Variants in ME2 observed in about 807,000 individuals in gnomAD.
The protein encoded by ME2 is malic enzyme 2, also known as NAD-dependent malic enzyme, mitochondrial.
In ME2, 60 loss-of-function variants were observed where a neutral mutation model predicts 73.7. The observed-to-expected ratio is 0.81, with a 90% CI of 0.66 to 1.01. The LOEUF (loss-of-function observed/expected upper bound fraction) is 1.01. ME2 is among the 50% of genes least tolerant of loss of function. The pLI, the probability that ME2 is intolerant of heterozygous loss-of-function variation, is 0.00. For synonymous variants in ME2, 199 were observed against 236.9 expected (o/e 0.84, Z 1.47); for missense variants, 594 against 705.5 (o/e 0.84, Z 1.79).
rs374814797 is a variant in ME2 at position 50,925,736 on chromosome 18, T to C, written c.1172-20T>C. 3.8e-5 allele frequency: 62 copies of C among 1,611,082 alleles called. No individual in the cohort carries two copies. Among genetic ancestry groups the C allele is most frequent in the Non-Finnish European group, 4.8e-5 (56 of 1,178,208 alleles). ...TATACCTATAATGAAGTTGCTGTTT[T>C]TCCCCCTTACTTATTACAGGAGTTG... On this transcript the variant is annotated intron_variant, in intron 11 of 15. Coordinates refer to ENST00000321341, the MANE Select transcript of ME2 (RefSeq NM_002396.5).
intron 1 of ME2, among the ~76,000 whole-genome samples, chr18:50,886,543 C>A (rs960721545): frequency 6.6e-6 from 1 of 152,098 alleles, no homozygotes; most frequent in Non-Finnish European, 1.5e-5. Context: ...TGCACCTGGC[C>A]AAGTTCTTTT....
In ME2 at chr18:50,931,840, AATTTTTTGT is replaced by A. The variant is rs573695073; in HGVS notation, c.1315-398_1315-390del. On this transcript the variant is annotated intron_variant, in intron 12 of 15. Coordinates refer to ENST00000321341, the MANE Select transcript of ME2 (RefSeq NM_002396.5). ...CAGGCATGGGCCAACACACCCAGCT[AATTTTTTGT>A]ATTTTTTGTATTTTTTGTAGAGATA... 7.0e-3 allele frequency among the ~76,000 whole-genome samples: 1,066 copies of A among 151,726 alleles called. 11 individuals are homozygous for A. Among genetic ancestry groups the A allele is most frequent in the African/African-American group, 0.024 (984 of 41,386 alleles).
At chr18:50,946,927 C>T (rs897047754) in intron 15 of ME2, 90 bp from the exon 16 acceptor site, 25 of 931,372 alleles carry the variant, frequency 2.7e-5, no homozygotes, top group Non-Finnish European at 4.0e-5. Flanking sequence ...TGCCATTCTT[C>T]TAAACTTATT....
chr18:50,892,447 T>C (rs1440622553), intron 1 of ME2, among the ~76,000 whole-genome samples: 2 of 152,202 alleles, frequency 1.3e-5, no homozygotes, highest in Non-Finnish European at 2.9e-5. Context: ...CTGTGGATTG[T>C]TTGAGGGGAA....
chr18:50,950,681 G>A lies in ME2; in HGVS notation c.*3497G>A, dbSNP rs1918206771. 1 of 151,778 alleles carries A rather than the reference G, an allele frequency of 6.6e-6. No individual in the cohort carries two copies. The highest frequency in any genetic ancestry group is 2.4e-5 in the African/African-American group (1 of 41,288). 9.4% of individuals were successfully genotyped at this position (151,778 alleles called of 1,614,324 possible). A position where few individuals can be genotyped will look rare whatever the true frequency, so the allele number is the denominator to read the frequency against. ...TTTTTGTATTTTTAGAAGAGTGGGG[G>A]TTTTGCCACGTTGCCTGGGCTGGTC... On this transcript the variant is annotated 3_prime_UTR_variant, in exon 16 of 16. Transcript: ENST00000321341.
intron 1 of ME2, among the ~76,000 whole-genome samples, chr18:50,879,674 A>G (rs901374133): frequency 6.6e-6 from 1 of 152,200 alleles, no homozygotes; most frequent in African/African-American, 2.4e-5. Flanking sequence ...CCTCCACAAA[A>G]GGACTTCTGT....
At chr18:50,880,527 A>C (rs148735369) in intron 1 of ME2, among the ~76,000 whole-genome samples, 1,756 of 152,318 alleles carry the variant, frequency 0.012, 44 homozygotes, top group African/African-American at 0.038. Context: ...TGGCTCACGC[A>C]TGTAATTCCA....
intron 10 of ME2, among the ~76,000 whole-genome samples, chr18:50,923,692 G>A (rs1409012343): frequency 2.0e-5 from 3 of 152,092 alleles, no homozygotes; most frequent in Admixed American, 2.0e-4. Flanking sequence ...GGTAGAGGCT[G>A]CCACTGCACT....
chr18:50,946,722 G>T (rs921683860), intron 15 of ME2, among the ~76,000 whole-genome samples: 3 of 152,120 alleles, frequency 2.0e-5, no homozygotes, highest in Admixed American at 6.6e-5. Flanking sequence ...TAGTCTCTGT[G>T]CCCCTCTAGA....
chr18:50,900,999 T>A (rs1332272873), intron 2 of ME2, among the ~76,000 whole-genome samples: 3 of 152,194 alleles, frequency 2.0e-5, no homozygotes, highest in African/African-American at 7.2e-5. Context: ...TATTTCAAAT[T>A]TATGTATTAA....
At position 50,924,092 on chromosome 18, in the gene ME2, A is replaced by G. The variant is rs1568170334; in HGVS notation, c.1057-6A>G. On this transcript the variant is annotated splice_polypyrimidine_tract_variant and splice_region_variant and intron_variant, in intron 10 of 15. Coordinates refer to ENST00000321341, the MANE Select transcript of ME2 (RefSeq NM_002396.5). ...AAAAAATACTGTATTTTATCTCAAA[A>G]TTTAGGGACGGAAAGCAAAAATAGA... The G allele has an allele frequency of 6.3e-7, 1 of 1,591,620 alleles. No homozygotes were observed. The highest frequency in any genetic ancestry group is 8.6e-7 in the Non-Finnish European group (1 of 1,163,258).
In ME2 at chr18:50,918,166, A is replaced by T. The variant is rs200327068; in HGVS notation, c.687A>T (p.Gln229His). 4.7e-5 allele frequency: 75 copies of T among 1,611,208 alleles called. No homozygotes were observed. Among genetic ancestry groups the T allele is most frequent in the Non-Finnish European group, 5.5e-5 (65 of 1,178,046 alleles). ...TGTACCAGAAACGAGATCGCACACA[A>T]CAGTATGATGACCTGATTGATGAGT... is the stretch of plus-strand genomic sequence containing the variant. Reference protein sequence around the residue: ...MGLYQKRDRTQQYDDLIDEFM... With the variant: ...MGLYQKRDRTHQYDDLIDEFM... Residue 229 changes from glutamine to histidine, a missense_variant, in exon 7 of 16, where the codon CAA becomes CAT. Transcript: ENST00000321341.
chr18:50,889,522 A>G (rs1423247015), intron 1 of ME2, among the ~76,000 whole-genome samples: 1 of 152,156 alleles, frequency 6.6e-6, no homozygotes, highest in Non-Finnish European at 1.5e-5. Context: ...TTTATAATAA[A>G]GGGGGATTTT....
intron 2 of ME2, among the ~76,000 whole-genome samples, chr18:50,905,264 C>T (rs561620544): frequency 9.2e-5 from 14 of 152,276 alleles, no homozygotes; most frequent in African/African-American, 3.4e-4. Context: ...GGATTAGAGG[C>T]GTGAGCCACC....
chr18:50,924,540 C>T lies in ME2; in HGVS notation c.1171+328C>T, dbSNP rs543084686. Among the ~76,000 whole-genome samples the T allele has an allele frequency of 1.3e-4, 20 of 152,208 alleles. No individual in the cohort carries two copies. The South Asian group carries it at 3.9e-3, about 30-fold the overall frequency. On this transcript the variant is annotated intron_variant, in intron 11 of 15. Coordinates refer to ENST00000321341, the MANE Select transcript of ME2 (RefSeq NM_002396.5). ...GCAGACTCAAAGTTTTCGTGGGCAA[C>T]AAAGCTGAAAACTTTGAGTGTGTTT...
At chr18:50,913,648 T>A (rs1319297663) in intron 4 of ME2, among the ~76,000 whole-genome samples, 1 of 152,156 alleles carries the variant, frequency 6.6e-6, no homozygotes, top group Non-Finnish European at 1.5e-5. Flanking sequence ...CTCCTTTTTT[T>A]AATGAATTTT....
At chr18:50,929,840 T>C (rs1413730329) in intron 12 of ME2, among the ~76,000 whole-genome samples, 1 of 152,208 alleles carries the variant, frequency 6.6e-6, no homozygotes, top group Non-Finnish European at 1.5e-5. Context: ...AAATGCATCA[T>C]GGATCGTTGA....
chr18:50,931,851 T>C (rs1443797699), intron 12 of ME2, among the ~76,000 whole-genome samples: 1 of 151,980 alleles, frequency 6.6e-6, no homozygotes, highest in Admixed American at 6.6e-5. Flanking sequence ...ATTTTTTGTA[T>C]TTTTTGTATT....
intron 2 of ME2, among the ~76,000 whole-genome samples, chr18:50,907,483 G>A (rs890252871): frequency 1.3e-5 from 2 of 152,150 alleles, no homozygotes; most frequent in African/African-American, 4.8e-5. Flanking sequence ...CCTTGCTCCA[G>A]CATTTTCATT....
Sources: allele counts gnomAD v4.1 joint callset (sites outside exome capture counted in the v4.1 genomes callset), GRCh38; gene constraint gnomAD v4.1.1; transcripts MANE v1.5; gene names NCBI Gene and HGNC (gene_info 2026-07-23, HGNC 2026-07-21).